DOT1L: variants seen among roughly 807,000 people sequenced by gnomAD.
DOT1L encodes the protein histone-lysine N-methyltransferase, H3 lysine-79 specific.
In DOT1L, 33 loss-of-function variants were observed where a neutral mutation model predicts 153.3. The observed-to-expected ratio is 0.22, with a 90% CI of 0.16 to 0.29. The LOEUF (loss-of-function observed/expected upper bound fraction) is 0.29. Ranked by LOEUF, DOT1L falls within the 10% of genes least tolerant of loss-of-function variation. The probability of loss-of-function intolerance (pLI) is 1.00; values close to 1 mark genes in which losing one functional copy is unlikely to be tolerated. For synonymous variants in DOT1L, 1,135 were observed against 965.1 expected, an observed-to-expected ratio of 1.18 and a Z score of -3.26; for missense variants, 1,847 against 2,119.9, an observed-to-expected ratio of 0.87 and a Z score of 2.53.
chr19:2,205,787 G>A (rs576861967), intron 9 of DOT1L, among the ~76,000 whole-genome samples: 2 of 150,992 alleles, frequency 1.3e-5, no homozygotes, highest in South Asian at 4.2e-4. Context: ...TTGACCTCCT[G>A]GGCTCAAGTG....
In DOT1L at chr19:2,227,081, G is replaced by T; in HGVS notation, c.4560G>T (p.Ser1520=). ...VSSAATRLTN[S]HAMGSFSGVA... is the part of the protein sequence containing the mutation. ...CCGCTGCCACCAGACTGACCAACTC[G>T]CACGCCATGGGCAGCTTTTCCGGGG... is the stretch of plus-strand genomic sequence containing the variant. Residue 1520 remains serine, a synonymous_variant, in exon 27 of 28, where the codon TCG becomes TCT. Coordinates refer to ENST00000398665, the MANE Select transcript of DOT1L (RefSeq NM_032482.3). The T allele has an allele frequency of 1.3e-6, 2 of 1,563,874 alleles. No individual in the cohort carries two copies. Among genetic ancestry groups the T allele is most frequent in the South Asian group, 1.1e-5 (1 of 87,104 alleles).
In DOT1L at chr19:2,226,551, G is replaced by A. The variant is rs1187141039; in HGVS notation, c.4030G>A (p.Ala1344Thr). 2 of 1,600,668 alleles carry A rather than the reference G, an allele frequency of 1.2e-6. No individual in the cohort carries two copies. Among genetic ancestry groups the A allele is most frequent in the Non-Finnish European group, 1.7e-6 (2 of 1,179,358 alleles). The change falls in exon 27 of 28, where the codon GCG (alanine) becomes ACG (threonine). Residue 1344 changes from alanine to threonine, a missense_variant. By Grantham distance (58) the Ala-to-Thr change is moderately conservative (BLOSUM62 0). Around this residue, in one of 8 missense-constraint regions of DOT1L, gnomAD observed 934 missense variants for 825.3 expected, o/e 1.13. Coordinates refer to ENST00000398665, the MANE Select transcript of DOT1L (RefSeq NM_032482.3). Reference protein sequence around the residue: ...GASLPHKGPEAAGLSSPLSFP... With the variant: ...GASLPHKGPETAGLSSPLSFP... The stretch of plus-strand genomic sequence containing the variant: ...TTCTCTTCCCCACAAGGGCCCCGAG[G>A]CGGCCGGCCTGAGCTCCCCGCTGAG...
chr19:2,187,378 C>T lies in DOT1L; in HGVS notation c.200+1449C>T, dbSNP rs561149954. Among the ~76,000 whole-genome samples the T allele has an allele frequency of 2.6e-5, 4 of 152,358 alleles. No individual in the cohort carries two copies. The East Asian group carries it at 7.7e-4, about 29-fold the overall frequency. ...CCCCTCCACGTGGGTGTGTGGCGTC[C>T]TTCCTCTTCGCGTGGGATGGGCTTA... On this transcript the variant is annotated intron_variant, in intron 3 of 27. Transcript: ENST00000398665.
At chr19:2,195,692 A>G (rs774893252) in intron 7 of DOT1L, among the ~76,000 whole-genome samples, 1 of 152,256 alleles carries the variant, frequency 6.6e-6, no homozygotes, top group Admixed American at 6.5e-5. Context: ...GCACCAGGTC[A>G]CCACCCTGGG....
chr19:2,226,673 C>A lies in DOT1L; in HGVS notation c.4152C>A (p.Ser1384Arg). ...TGGCTGGGCTGAAGGGCGAGGGCAG[C>A]CGCGGCAAGGAGGCAGGGGAGGGCG... Reference protein sequence around the residue: ...DGLAGLKGEGSRGKEAGEGGL... With the variant: ...DGLAGLKGEGRRGKEAGEGGL... Residue 1384 changes from serine (S) to arginine (R), a missense_variant, in exon 27 of 28, where the codon AGC becomes AGA. Physicochemically the swap from Ser to Arg is moderately radical, Grantham distance 110. This residue lies in a region of DOT1L where 934 missense variants were observed against 825.3 expected (regional missense o/e 1.13). Coordinates refer to ENST00000398665, the MANE Select transcript of DOT1L (RefSeq NM_032482.3). The A allele has an allele frequency of 6.3e-7, 1 of 1,576,374 alleles. No individual in the cohort carries two copies.
Position 2,176,418 on chromosome 19 carries a change from G to A in DOT1L, c.82-4295G>A, listed in dbSNP as rs559358773. Among the ~76,000 whole-genome samples, 9 of 152,312 alleles carry A rather than the reference G, an allele frequency of 5.9e-5. No homozygotes were observed. In the South Asian group the frequency reaches 1.4e-3, roughly 25 times the overall value. On this transcript the variant is annotated intron_variant, in intron 1 of 27. Transcript: ENST00000398665. ...GCACGGCTCGCGGGAGTTGCAGAGC[G>A]AGTTCACCCTGCTACTGCTTCTGCG...
chr19:2,180,567 G>A (rs1001857710), intron 1 of DOT1L, 146 bp from the exon 2 acceptor site: 4 of 916,406 alleles, frequency 4.4e-6, no homozygotes, highest in Non-Finnish European at 5.0e-6. Flanking sequence ...GTCTCTGGTG[G>A]TACCCGCTGG....
Position 2,208,898 on chromosome 19 carries a change from A to T in DOT1L, c.964-37A>T, listed in dbSNP as rs201398452. 269 of 1,603,818 alleles carry T rather than the reference A, an allele frequency of 1.7e-4. 1 individual carries two copies. The African/African-American group carries it at 3.3e-3, about 20-fold the overall frequency. On this transcript the variant is annotated intron_variant, in intron 11 of 27. Transcript: ENST00000398665. This position sits in a 1 kb window ranked among gnomAD's most constrained non-coding sequence, Gnocchi z 4.4. ...CAGACAAATCCGAACAGAGATTGGG[A>T]CTCCCTTCTAATCAGGGTTCTCTTT...
chr19:2,200,270 G>A (rs1390654064), intron 8 of DOT1L, among the ~76,000 whole-genome samples: 1 of 151,492 alleles, frequency 6.6e-6, no homozygotes, highest in Non-Finnish European at 1.5e-5. Context: ...TGGTCTGGGG[G>A]TCTTCCTGTC....
At chr19:2,202,568 G>A in intron 8 of DOT1L, 132 bp from the exon 9 acceptor site, 3 of 843,896 alleles carry the variant, frequency 3.6e-6, no homozygotes, top group Non-Finnish European at 5.8e-6. Context: ...TCAGCTGCGT[G>A]GGCTTGGCCC....
rs1409437460 is a variant in DOT1L at position 2,226,847 on chromosome 19, C to T, written c.4326C>T (p.Pro1442=). The T allele has an allele frequency of 5.1e-6, 8 of 1,579,460 alleles. No homozygotes were observed. The African/African-American group carries it at 5.6e-5, about 11-fold the overall frequency. The change falls in exon 27 of 28, where the codon CCC becomes CCT. Residue 1442 remains proline, a synonymous_variant. Coordinates refer to ENST00000398665, the MANE Select transcript of DOT1L (RefSeq NM_032482.3). ...CTCCCGGAAGCCTCCTCAGCGGCCC[C>T]GGCCTGGCCCCGGCGGCGTCCTCCG... ...AVPPGSLLSG[P]GLAPAASSAG...
At chr19:2,228,023 C>G in intron 27 of DOT1L, 1 of 1,300,028 alleles carries the variant, frequency 7.7e-7, no homozygotes, top group South Asian at 1.2e-5. Flanking sequence ...TGCCTCCTCC[C>G]CCAACGCTGC....
chr19:2,222,152 C>T lies in DOT1L; in HGVS notation c.2983C>T (p.Arg995Trp), dbSNP rs760542574. 27 of 1,612,954 alleles carry T rather than the reference C, an allele frequency of 1.7e-5. No homozygotes were observed. Among genetic ancestry groups the T allele is most frequent in the South Asian group, 4.4e-5 (4 of 91,080 alleles). Reference sequence around the variant, plus strand: ...GCACCCCCTGCTGCTGGCACAGCCCCGGAACTCGCTTCCTGCCTCTCCCGC... The same window carrying T: ...GCACCCCCTGCTGCTGGCACAGCCCTGGAACTCGCTTCCTGCCTCTCCCGC... ...PQHPLLLAQP[R>W]NSLPASPAHQ... Residue 995 changes from arginine to tryptophan, a missense_variant, in exon 24 of 28, where the codon CGG (arginine) becomes TGG (tryptophan). Around this residue, in one of 8 missense-constraint regions of DOT1L, gnomAD observed 934 missense variants for 825.3 expected, o/e 1.13. Transcript: ENST00000398665. The surrounding 1 kb of genome is among the most constrained non-coding windows in gnomAD (Gnocchi z 6.5).
chr19:2,185,882 C>G lies in DOT1L; in HGVS notation c.153C>G (p.Leu51=), dbSNP rs774647069. The G allele has an allele frequency of 1.7e-5, 28 of 1,614,076 alleles. No individual in the cohort carries two copies. Among genetic ancestry groups the G allele is most frequent in the African/African-American group, 5.3e-5 (4 of 74,950 alleles). ...IRWVCEEIPD[L]KLAMENYVLI... ...GGGTCTGTGAAGAAATCCCGGATCTCAAGCTCGCTATGGAGAATTACGTTT... is the reference window on the plus strand; with the variant it reads ...GGGTCTGTGAAGAAATCCCGGATCTGAAGCTCGCTATGGAGAATTACGTTT... Residue 51 remains leucine, a synonymous_variant, in exon 3 of 28, where the codon CTC becomes CTG. Coordinates refer to ENST00000398665, the MANE Select transcript of DOT1L (RefSeq NM_032482.3).
chr19:2,167,929 T>G (rs2019989258), intron 1 of DOT1L, among the ~76,000 whole-genome samples: 1 of 152,064 alleles, frequency 6.6e-6, no homozygotes, highest in South Asian at 2.1e-4. Flanking sequence ...GAGACAGGGT[T>G]TCACCATATT....
chr19:2,188,481 C>CCG (rs1491495196), intron 3 of DOT1L, among the ~76,000 whole-genome samples: 2 of 51,844 alleles, frequency 3.9e-5, no homozygotes, highest in East Asian at 4.1e-4. Flanking sequence ...CCAGCCGCCG[C>CCG]CCCCCCCCCC....
intron 9 of DOT1L, among the ~76,000 whole-genome samples, chr19:2,203,808 C>T (rs1435491615): frequency 6.6e-6 from 1 of 152,196 alleles, no homozygotes; most frequent in East Asian, 1.9e-4. Flanking sequence ...GGGGATTGTG[C>T]TGCCTGCCTT....
In DOT1L at chr19:2,200,038, G is replaced by A. The variant is rs576823270; in HGVS notation, c.707+99G>A. The A allele has an allele frequency of 1.3e-4, 194 of 1,460,890 alleles. 1 individual carries two copies. In the African/African-American group the frequency reaches 2.4e-3, roughly 18 times the overall value. The allele number at this position is 1,460,890 out of a possible 1,614,324, so 90.5% of individuals were successfully genotyped here. On this transcript the variant is annotated intron_variant, in intron 8 of 27. Coordinates refer to ENST00000398665, the MANE Select transcript of DOT1L (RefSeq NM_032482.3). ...ACCGGGAGCGGCCCCTCGCTCCTGT[G>A]CTGGCTGTGGCAGGAAAGAGGCCGG...
intron 9 of DOT1L, among the ~76,000 whole-genome samples, chr19:2,206,247 A>G (rs2023485754): frequency 6.6e-6 from 1 of 151,972 alleles, no homozygotes. Flanking sequence ...CAGCCTCCCA[A>G]AGTGCTGGGA....
Sources: gnomAD v4.1 joint callset for allele counts (sites outside exome capture counted in the v4.1 genomes callset) on GRCh38, gnomAD v4.1.1 for gene constraint, gnomAD v4.1.1 regional missense constraint, Gnocchi (gnomAD v3.1) non-coding constraint, MANE v1.5 for transcripts, NCBI Gene and HGNC (gene_info 2026-07-23, HGNC 2026-07-21) for gene names.